STK4: variants seen among roughly 807,000 people sequenced by gnomAD.
STK4 encodes the protein serine/threonine kinase 4, also known as serine/threonine-protein kinase 4.
Under a neutral mutation model 64.9 loss-of-function variants are expected in STK4, and 30 were observed. That is an observed-to-expected ratio of 0.46 (90% CI 0.35 to 0.63). The LOEUF is 0.63. Among genes scored for constraint, STK4 ranks in the 20% least tolerant of loss-of-function variants. The pLI is 0.01. For synonymous variants in STK4, 177 were observed against 199.0 expected (o/e 0.89, Z 0.93); for missense variants, 466 against 598.5 (o/e 0.78, Z 2.31).
intron 6 of STK4, among the ~76,000 whole-genome samples, chr20:44,996,642 T>C (rs895478694): frequency 6.6e-6 from 1 of 152,208 alleles, no homozygotes; most frequent in African/African-American, 2.4e-5. Flanking sequence ...AGAATGTAAC[T>C]GCAACGTAGT....
rs570825040 is a variant in STK4, at chr20:45,005,168, C to G, written c.1147+3815C>G. Among the ~76,000 whole-genome samples, 6 of 152,256 alleles carry G rather than the reference C, an allele frequency of 3.9e-5. No homozygotes were observed. In the South Asian group the frequency reaches 1.0e-3, roughly 26 times the overall value. ...CTCTCCACTCTCTTCTACCAACTGGCAAAGTGTATGCATAAGTATATGCTT... is the reference window on the plus strand; with the variant it reads ...CTCTCCACTCTCTTCTACCAACTGGGAAAGTGTATGCATAAGTATATGCTT... On this transcript the variant is annotated intron_variant, in intron 9 of 10. Coordinates refer to ENST00000372806, the MANE Select transcript of STK4 (RefSeq NM_006282.5).
chr20:44,988,341 C>A (rs531101821), intron 5 of STK4, among the ~76,000 whole-genome samples: 1 of 151,260 alleles, frequency 6.6e-6, no homozygotes, highest in Non-Finnish European at 1.5e-5. Context: ...ATGGTGAAAC[C>A]CCATCTCCAC....
At chr20:45,035,080 A>C (rs1340039132) in intron 10 of STK4, among the ~76,000 whole-genome samples, 2 of 152,170 alleles carry the variant, frequency 1.3e-5, no homozygotes, top group Non-Finnish European at 2.9e-5. Context: ...GTATTATATA[A>C]TGATAAAATA....
chr20:45,042,984 C>CACTTAGGTATTAAGCCCAGCATCCATTAG (rs2068637380), intron 10 of STK4, among the ~76,000 whole-genome samples: 1 of 152,082 alleles, frequency 6.6e-6, no homozygotes, highest in Non-Finnish European at 1.5e-5. Flanking sequence ...AGCTATTCTT[C>CACTTAGGTATTAAGCCCAGCATCCATTAG]CTGATGCTCT....
chr20:44,999,067 CA>C (rs71339807), intron 7 of STK4, among the ~76,000 whole-genome samples: 32 of 127,712 alleles, frequency 2.5e-4, no homozygotes, highest in South Asian at 7.6e-4. Flanking sequence ...GACTCCATCT[CA>C]AAAAAAAAAA....
At chr20:45,063,554 C>T (rs540744656) in intron 10 of STK4, among the ~76,000 whole-genome samples, 1 of 152,214 alleles carries the variant, frequency 6.6e-6, no homozygotes, top group South Asian at 2.1e-4. Context: ...TGTTTACTCC[C>T]TTGATAGTTT....
chr20:44,994,774 C>T (rs2067696277), intron 5 of STK4, among the ~76,000 whole-genome samples: 1 of 151,872 alleles, frequency 6.6e-6, no homozygotes. Context: ...TATTTCGGTG[C>T]CTGATTTTCT....
intron 5 of STK4, among the ~76,000 whole-genome samples, chr20:44,991,891 T>A (rs956396590): frequency 2.0e-5 from 3 of 152,186 alleles, no homozygotes; most frequent in African/African-American, 7.2e-5. Context: ...CTCAAACTCC[T>A]GAGCTCAAGC....
chr20:45,006,062 C>T (rs1343074477), intron 9 of STK4, among the ~76,000 whole-genome samples: 2 of 150,408 alleles, frequency 1.3e-5, no homozygotes, highest in Non-Finnish European at 1.5e-5. Context: ...TCTGTTTTAA[C>T]TTATTGTCTC....
In STK4 at chr20:45,079,364, T is replaced by C. The variant is rs1980753046; in HGVS notation, c.*4188T>C. ...AGTCTATTGCTCAAGGTCATGTGGC[T>C]AGAATATGGCAGAGCCATGATTCAG... On this transcript the variant is annotated 3_prime_UTR_variant, in exon 11 of 11. Coordinates refer to ENST00000372806, the MANE Select transcript of STK4 (RefSeq NM_006282.5). 1 of 152,246 alleles carries C rather than the reference T, an allele frequency of 6.6e-6. No individual in the cohort carries two copies. The allele number at this position is 152,246 out of a possible 1,614,324, so 9.4% of individuals were successfully genotyped here.
At position 45,000,030 on chromosome 20, in the gene STK4, A is replaced by C. The variant is rs79809869; in HGVS notation, c.832-362A>C. On this transcript the variant is annotated intron_variant, in intron 7 of 10. Coordinates refer to ENST00000372806, the MANE Select transcript of STK4 (RefSeq NM_006282.5). ...CGTACAGGACAGTTCTGTACTTTGCAAAATTGCTAATGTCCCATGCCATTT... is the reference window on the plus strand; with the variant it reads ...CGTACAGGACAGTTCTGTACTTTGCCAAATTGCTAATGTCCCATGCCATTT... 5.5e-3 allele frequency among the ~76,000 whole-genome samples: 838 copies of C among 152,330 alleles called. 5 individuals carry two copies. The highest frequency in any genetic ancestry group is 0.019 in the African/African-American group (770 of 41,574).
chr20:45,026,318 AGTGT>A lies in STK4; in HGVS notation c.1305+1216_1305+1219del, dbSNP rs113148879. On this transcript the variant is annotated intron_variant, in intron 10 of 10. Transcript: ENST00000372806. Reference sequence around the variant, plus strand: ...AAAAGGGAGGTTAGGAGACAGAAAGAGTGTGTGTGTGTGTGTGTGTGTGTGTGTG... The same window carrying A: ...AAAAGGGAGGTTAGGAGACAGAAAGAGTGTGTGTGTGTGTGTGTGTGTGTG... Among the ~76,000 whole-genome samples the A allele has an allele frequency of 8.7e-3, 1,273 of 145,760 alleles. 31 individuals are homozygous for A. The East Asian group carries it at 0.1, about 11-fold the overall frequency.
intron 10 of STK4, among the ~76,000 whole-genome samples, chr20:45,072,585 A>C (rs147017372): frequency 6.6e-6 from 1 of 152,212 alleles, no homozygotes; most frequent in Non-Finnish European, 1.5e-5. Flanking sequence ...AAAGTAGCCT[A>C]TGTGCCTCGA....
intron 10 of STK4, among the ~76,000 whole-genome samples, chr20:45,027,742 A>G (rs1203608084): frequency 6.6e-6 from 1 of 152,072 alleles, no homozygotes; most frequent in East Asian, 1.9e-4. Flanking sequence ...GTACCCCTTA[A>G]CCAACTTCTC....
intron 1 of STK4, among the ~76,000 whole-genome samples, chr20:44,968,016 A>G (rs1568672606): frequency 6.6e-6 from 1 of 152,196 alleles, no homozygotes; most frequent in East Asian, 1.9e-4. Context: ...AGATATCCCT[A>G]TATGTCTGTT....
chr20:45,074,281 A>G (rs964699272), intron 10 of STK4, among the ~76,000 whole-genome samples: 2 of 152,242 alleles, frequency 1.3e-5, no homozygotes, highest in Non-Finnish European at 2.9e-5. Context: ...TGTCTGGTGC[A>G]TAGAAAACAC....
In STK4 at chr20:44,969,288, C is replaced by G. The variant is rs578086609; in HGVS notation, c.35+2685C>G. On this transcript the variant is annotated intron_variant, in intron 1 of 10. Coordinates refer to ENST00000372806, the MANE Select transcript of STK4 (RefSeq NM_006282.5). ...TAGTTGTTGTAATCCATATCAAATT[C>G]TGTGTGGAAAAAGAAATAGTTACAC... is the stretch of plus-strand genomic sequence containing the variant. Among the ~76,000 whole-genome samples the G allele has an allele frequency of 3.3e-5, 5 of 152,258 alleles. No homozygotes were observed. The East Asian group carries it at 9.6e-4, about 29-fold the overall frequency.
intron 10 of STK4, among the ~76,000 whole-genome samples, chr20:45,060,457 GT>G (rs140836372): frequency 0.028 from 4,277 of 152,102 alleles, 186 homozygotes; most frequent in African/African-American, 0.092. Flanking sequence ...ACGAGATAAA[GT>G]TTTTTTTCCC....
chr20:44,990,450 T>A (rs1178524173), intron 5 of STK4, among the ~76,000 whole-genome samples: 1 of 151,738 alleles, frequency 6.6e-6, no homozygotes, highest in Non-Finnish European at 1.5e-5. Flanking sequence ...TTAAAAAAAA[T>A]GAGATTTTTT....
Sources: gnomAD v4.1 joint callset for allele counts (sites outside exome capture counted in the v4.1 genomes callset) on GRCh38, gnomAD v4.1.1 for gene constraint, MANE v1.5 for transcripts, NCBI Gene and HGNC (gene_info 2026-07-23, HGNC 2026-07-21) for gene names.